Variants in ARMH4 observed in about 807,000 individuals in gnomAD.
ARMH4 encodes the protein armadillo-like helical domain-containing protein 4.
ARMH4 carries 49 observed loss-of-function variants against 61.9 expected under a neutral mutation model. The observed-to-expected ratio is 0.79, with a 90% CI of 0.63 to 1.00. The LOEUF (loss-of-function observed/expected upper bound fraction) is 1.00, where lower values mean the gene tolerates loss of function less well. Among genes scored for constraint, ARMH4 ranks in the 50% least tolerant of loss-of-function variants. ARMH4 has a pLI of 0.00. For missense variants in ARMH4, 934 were observed against 930.0 expected (o/e 1.00, Z -0.06); for synonymous variants, 368 against 341.5 (o/e 1.08, Z -0.85).
chr14:58,086,628 C>T (rs1885391839), intron 5 of ARMH4, among the ~76,000 whole-genome samples: 1 of 152,124 alleles, frequency 6.6e-6, no homozygotes, highest in Non-Finnish European at 1.5e-5. Flanking sequence ...CCCAACTGTG[C>T]TTGAAAATTT....
At chr14:58,084,538 C>A (rs1457892064) in intron 5 of ARMH4, among the ~76,000 whole-genome samples, 1 of 152,140 alleles carries the variant, frequency 6.6e-6, no homozygotes, top group Admixed American at 6.5e-5. Flanking sequence ...TTGAAAGTTG[C>A]CAATATGACT....
chr14:58,148,625 T>C (rs188912073), intron 1 of ARMH4, among the ~76,000 whole-genome samples: 25 of 152,320 alleles, frequency 1.6e-4, no homozygotes, highest in Middle Eastern at 3.4e-3. Flanking sequence ...GTTGGCATGA[T>C]GTGAATATAA....
At chr14:58,041,864 G>A (rs1027647427) in intron 5 of ARMH4, among the ~76,000 whole-genome samples, 8 of 152,142 alleles carry the variant, frequency 5.3e-5, no homozygotes, top group South Asian at 2.1e-4. Flanking sequence ...ATTACATAAT[G>A]GTAAAAGGAT....
intron 1 of ARMH4, chr14:58,141,288 C>A (rs1270691200): frequency 1.9e-5 from 7 of 378,048 alleles, no homozygotes; most frequent in Admixed American, 3.3e-5. Flanking sequence ...AGATGCAGAT[C>A]TTTGTGAAGA....
chr14:58,102,780 C>T lies in ARMH4; in HGVS notation c.1832-5799G>A, dbSNP rs575150824. Among the ~76,000 whole-genome samples the T allele has an allele frequency of 9.6e-5, 13 of 135,846 alleles. No homozygotes were observed. In the South Asian group the frequency reaches 1.5e-3, roughly 15 times the overall value. The allele number at this position is 135,846 out of a possible 152,430, so 89.1% of individuals were successfully genotyped here. On this transcript the variant is annotated intron_variant, in intron 4 of 7. Transcript: ENST00000267485. ...GAGCCGAGATTGCGCCACTGCAGTC[C>T]GCAGTCCGGCCTGGGCGACAGAGCG... is the stretch of plus-strand genomic sequence containing the variant.
intron 4 of ARMH4, chr14:58,101,723 T>C (rs1885983585): frequency 6.6e-6 from 1 of 152,014 alleles, no homozygotes; most frequent in African/African-American, 2.4e-5. Flanking sequence ...GGTAGCATGA[T>C]AGAAAACAGC....
chr14:58,084,465 TAAAC>T (rs916493476), intron 5 of ARMH4, among the ~76,000 whole-genome samples: 7 of 152,194 alleles, frequency 4.6e-5, no homozygotes, highest in Admixed American at 3.3e-4. Context: ...AGGTTTGTGA[TAAAC>T]AAACCCAGGT....
intron 5 of ARMH4, among the ~76,000 whole-genome samples, chr14:58,072,549 T>C (rs1247099869): frequency 6.6e-6 from 1 of 151,932 alleles, no homozygotes; most frequent in African/African-American, 2.4e-5. Flanking sequence ...TGAAACCCCA[T>C]CTCTACTAAC....
rs1405785137 is a variant in ARMH4, at chr14:58,138,605, G to C, written c.754C>G (p.Pro252Ala). ...ATCTGCGAAGGCTTCTCCTTATCAG[G>C]GGTGAGGCTTCCAGGCTCACTGCCT... ...TAGSEPGSLT[P>A]DKEKPSQMTA... Residue 252 changes from proline (P) to alanine (A), a missense_variant, in exon 2 of 8, where the codon CCT (proline) becomes GCT (alanine). Coordinates refer to ENST00000267485, the MANE Select transcript of ARMH4 (RefSeq NM_001001872.4). 1 of 1,614,178 alleles carries C rather than the reference G, an allele frequency of 6.2e-7. No individual in the cohort carries two copies. Among genetic ancestry groups the C allele is most frequent in the Middle Eastern group, 1.6e-4 (1 of 6,062 alleles).
chr14:58,101,781 C>T (rs1298783852), intron 4 of ARMH4, among the ~76,000 whole-genome samples: 1 of 152,062 alleles, frequency 6.6e-6, no homozygotes, highest in East Asian at 1.9e-4. Context: ...AAGAACCCAC[C>T]ATTGATAGAA....
At chr14:58,148,653 T>C (rs1023211091) in intron 1 of ARMH4, among the ~76,000 whole-genome samples, 8 of 152,166 alleles carry the variant, frequency 5.3e-5, no homozygotes, top group African/African-American at 1.9e-4. Flanking sequence ...TTTAAGAATA[T>C]GAAAAAGAAC....
chr14:58,066,689 T>C (rs957524131), intron 5 of ARMH4, among the ~76,000 whole-genome samples: 1 of 152,220 alleles, frequency 6.6e-6, no homozygotes, highest in East Asian at 1.9e-4. Context: ...AACGTCAGTA[T>C]GTTCGCTTTT....
intron 4 of ARMH4, among the ~76,000 whole-genome samples, chr14:58,117,186 G>A (rs982450327): frequency 2.0e-5 from 3 of 152,226 alleles, no homozygotes; most frequent in East Asian, 1.9e-4. Flanking sequence ...TCTAGAAAAC[G>A]AGACTACAGC....
intron 4 of ARMH4, among the ~76,000 whole-genome samples, chr14:58,128,323 C>T (rs1162124103): frequency 3.3e-5 from 5 of 152,076 alleles, no homozygotes; most frequent in Non-Finnish European, 5.9e-5. Context: ...TCAACCTATA[C>T]AAAGATCATG....
intron 1 of ARMH4, among the ~76,000 whole-genome samples, chr14:58,147,316 G>GTTT (rs33969627): frequency 2.3e-5 from 3 of 132,520 alleles, no homozygotes; most frequent in African/African-American, 2.8e-5. Context: ...AATCCAGATG[G>GTTT]TTTTTTTTTT....
At chr14:58,093,819 T>C (rs1885655308) in intron 5 of ARMH4, among the ~76,000 whole-genome samples, 1 of 152,146 alleles carries the variant, frequency 6.6e-6, no homozygotes, top group Non-Finnish European at 1.5e-5. Context: ...CAGTTTGAAA[T>C]ATTTGTTCCT....
At chr14:58,136,181 T>C (rs1410056550) in intron 2 of ARMH4, among the ~76,000 whole-genome samples, 1 of 152,186 alleles carries the variant, frequency 6.6e-6, no homozygotes, top group Non-Finnish European at 1.5e-5. Context: ...TTTTAAAAGA[T>C]TATAATTTGC....
chr14:58,061,151 G>T (rs931362031), intron 5 of ARMH4, among the ~76,000 whole-genome samples: 1 of 152,154 alleles, frequency 6.6e-6, no homozygotes, highest in African/African-American at 2.4e-5. Flanking sequence ...AGGAGGAATC[G>T]AATCCATCCC....
intron 5 of ARMH4, among the ~76,000 whole-genome samples, chr14:58,015,101 T>G (rs1882559803): frequency 6.6e-6 from 1 of 152,160 alleles, no homozygotes; most frequent in African/African-American, 2.4e-5. Flanking sequence ...GCATTTTAAC[T>G]TAGGCCTTAT....
Sources: gnomAD v4.1 joint callset for allele counts (sites outside exome capture counted in the v4.1 genomes callset) on GRCh38, gnomAD v4.1.1 for gene constraint, MANE v1.5 for transcripts, NCBI Gene and HGNC (gene_info 2026-07-23, HGNC 2026-07-21) for gene names.